Variants in USH2A observed in about 807,000 individuals in gnomAD.
USH2A encodes Usher syndrome 2A (autosomal recessive, mild).
A neutral mutation model predicts 538.9 loss-of-function variants in USH2A; 443 were observed. The ratio of observed to expected loss-of-function variants is 0.82; its 90% CI spans 0.76 to 0.89. The LOEUF (loss-of-function observed/expected upper bound fraction) is 0.89, where lower values mean the gene tolerates loss of function less well. Among genes scored for constraint, USH2A ranks in the 40% least tolerant of loss-of-function variants. The pLI is 0.00. For synonymous variants in USH2A, 2,413 were observed against 2,273.5 expected (o/e 1.06, Z -1.75); for missense variants, 6,633 against 6,324.8 (o/e 1.05, Z -1.65).
At chr1:215,882,387 T>C (rs959694135) in intron 41 of USH2A, among the ~76,000 whole-genome samples, 13 of 152,098 alleles carry the variant, frequency 8.5e-5, no homozygotes, top group African/African-American at 3.1e-4. Flanking sequence ...CCTGAAAAAT[T>C]CATACAGAAC....
chr1:216,267,443 G>C (rs925367683), intron 11 of USH2A, among the ~76,000 whole-genome samples: 1 of 152,104 alleles, frequency 6.6e-6, no homozygotes, highest in South Asian at 2.1e-4. Context: ...CAGGACATGA[G>C]ACCATCGCCA....
chr1:216,177,833 C>T (rs2034419966), intron 20 of USH2A, among the ~76,000 whole-genome samples: 1 of 151,990 alleles, frequency 6.6e-6, no homozygotes, highest in Non-Finnish European at 1.5e-5. Context: ...GAGATTTATT[C>T]CCCCTTTAAG....
At chr1:216,005,544 T>G (rs1571881757) in intron 32 of USH2A, among the ~76,000 whole-genome samples, 1 of 152,114 alleles carries the variant, frequency 6.6e-6, no homozygotes, top group African/African-American at 2.4e-5. Context: ...CAGAAGGATA[T>G]CCCCATGCCC....
chr1:216,292,879 A>T (rs193168038), intron 9 of USH2A, among the ~76,000 whole-genome samples: 1 of 152,282 alleles, frequency 6.6e-6, no homozygotes, highest in East Asian at 1.9e-4. Flanking sequence ...AGTAAAAATG[A>T]CCATTTATTT....
At chr1:216,001,714 G>A (rs185246459) in intron 32 of USH2A, among the ~76,000 whole-genome samples, 1 of 152,172 alleles carries the variant, frequency 6.6e-6, no homozygotes, top group East Asian at 1.9e-4. Context: ...TTAATGAAAT[G>A]CAACCTAATT....
At chr1:215,683,797 C>A (rs1658323469) in intron 61 of USH2A, among the ~76,000 whole-genome samples, 2 of 132,106 alleles carry the variant, frequency 1.5e-5, no homozygotes, top group Non-Finnish European at 3.5e-5. Flanking sequence ...ACTCTTACTT[C>A]TTCCCCTTTA....
intron 56 of USH2A, 48 bp from the exon 57 acceptor site, chr1:215,759,891 A>G (rs763418719): frequency 6.2e-7 from 1 of 1,610,244 alleles, no homozygotes; most frequent in Non-Finnish European, 8.5e-7. Flanking sequence ...GAAAATAAAC[A>G]GTGTATCAAA....
At chr1:215,859,615 A>C (rs1664263460) in intron 44 of USH2A, among the ~76,000 whole-genome samples, 1 of 152,048 alleles carries the variant, frequency 6.6e-6, no homozygotes, top group South Asian at 2.1e-4. Context: ...TGCACGGCTG[A>C]CTGCTGGACT....
At chr1:215,657,599 T>C (rs1657300791) in intron 64 of USH2A, among the ~76,000 whole-genome samples, 1 of 152,210 alleles carries the variant, frequency 6.6e-6, no homozygotes, top group African/African-American at 2.4e-5. Flanking sequence ...CTTTTACAGA[T>C]ATAGTCCCGT....
chr1:215,709,645 T>TAAAAAAAAAA (rs5780846), intron 61 of USH2A, among the ~76,000 whole-genome samples: 1 of 127,034 alleles, frequency 7.9e-6, no homozygotes. Context: ...AGATAATTTG[T>TAAAAAAAAAA]AAAAAAAAAA....
intron 11 of USH2A, among the ~76,000 whole-genome samples, chr1:216,251,390 T>A (rs956950341): frequency 4.0e-5 from 6 of 148,736 alleles, no homozygotes; most frequent in Non-Finnish European, 8.9e-5. Context: ...ATGTAGAGAC[T>A]GAAAATAGAA....
intron 3 of USH2A, among the ~76,000 whole-genome samples, chr1:216,412,425 C>T (rs2039503710): frequency 6.6e-6 from 1 of 151,990 alleles, no homozygotes; most frequent in Non-Finnish European, 1.5e-5. Context: ...GGTGATCAGG[C>T]TGGCTTAAGG....
At chr1:216,231,828 C>T in intron 14 of USH2A, 125 bp downstream of exon 14, 1 of 1,141,022 alleles carries the variant, frequency 8.8e-7, no homozygotes, top group East Asian at 2.4e-5. Flanking sequence ...GCTGGGATTA[C>T]AGGTGTGAGC....
At chr1:215,715,149 C>T (rs934655808) in intron 61 of USH2A, among the ~76,000 whole-genome samples, 14 of 152,166 alleles carry the variant, frequency 9.2e-5, no homozygotes, top group Admixed American at 3.3e-4. Flanking sequence ...CCCCTCACCC[C>T]CCTAATAGGC....
chr1:216,281,989 G>A (rs778889059), intron 11 of USH2A, among the ~76,000 whole-genome samples: 10 of 150,216 alleles, frequency 6.7e-5, no homozygotes, highest in Non-Finnish European at 1.2e-4. Flanking sequence ...GTGCTTGCTG[G>A]TAATTTTATA....
At chr1:215,639,801 A>C (rs1656616590) in intron 68 of USH2A, among the ~76,000 whole-genome samples, 1 of 152,190 alleles carries the variant, frequency 6.6e-6, no homozygotes, top group African/African-American at 2.4e-5. Context: ...GAACTGTAAC[A>C]ATGAACATGT....
intron 60 of USH2A, among the ~76,000 whole-genome samples, chr1:215,732,235 G>A (rs943691014): frequency 6.6e-6 from 1 of 152,282 alleles, no homozygotes; most frequent in East Asian, 1.9e-4. Flanking sequence ...TCAAGTTTTT[G>A]GTGTGAGTAG....
chr1:216,338,834 T>C (rs968244573), intron 4 of USH2A, among the ~76,000 whole-genome samples: 8 of 151,378 alleles, frequency 5.3e-5, no homozygotes, highest in Non-Finnish European at 1.2e-4. Flanking sequence ...AATAAGGGAG[T>C]ATTTTATACT....
At chr1:215,653,188 G>A (rs893557605) in intron 64 of USH2A, among the ~76,000 whole-genome samples, 5 of 152,174 alleles carry the variant, frequency 3.3e-5, no homozygotes, top group Non-Finnish European at 7.4e-5. Context: ...CCTGTGTTAC[G>A]TGAACTTCTA....
Sources: gnomAD v4.1 joint callset for allele counts (sites outside exome capture counted in the v4.1 genomes callset) on GRCh38, gnomAD v4.1.1 for gene constraint, MANE v1.5 for transcripts, NCBI Gene and HGNC (gene_info 2026-07-23, HGNC 2026-07-21) for gene names.